Variants in NCAM1 observed in about 807,000 individuals in gnomAD.
NCAM1 encodes neural cell adhesion molecule 1, also known as antigen recognized by monoclonal antibody 5.1H11.
Under a neutral mutation model 109.8 loss-of-function variants are expected in NCAM1, and 14 were observed. That is an observed-to-expected ratio of 0.13 (90% CI 0.08 to 0.20). The LOEUF (loss-of-function observed/expected upper bound fraction) is 0.20. Ranked by LOEUF, NCAM1 falls within the 10% of genes least tolerant of loss-of-function variation. NCAM1 has a pLI of 1.00. For synonymous variants in NCAM1, 418 were observed against 442.9 expected, an observed-to-expected ratio of 0.94 and a Z score of 0.70; for missense variants, 774 against 1,109.9, an observed-to-expected ratio of 0.70 and a Z score of 4.30.
At chr11:113,254,427 TA>T (rs1945783919) in intron 15 of NCAM1, among the ~76,000 whole-genome samples, 1 of 152,254 alleles carries the variant, frequency 6.6e-6, no homozygotes, top group African/African-American at 2.4e-5. Context: ...GCTACTTCTC[TA>T]ACCTAAATGT....
intron 17 of NCAM1, among the ~76,000 whole-genome samples, chr11:113,266,396 C>T (rs1254395810): frequency 2.0e-5 from 3 of 152,190 alleles, no homozygotes; most frequent in South Asian, 2.1e-4. Context: ...ACAGTATGGT[C>T]GCTTTTCCTT....
intron 1 of NCAM1, among the ~76,000 whole-genome samples, chr11:112,986,558 G>A (rs1241178019): frequency 1.3e-5 from 2 of 151,876 alleles, no homozygotes; most frequent in African/African-American, 4.8e-5. Flanking sequence ...TCTTTGATAG[G>A]AGATCTTTAA....
intron 16 of NCAM1, among the ~76,000 whole-genome samples, chr11:113,259,630 T>C (rs1945928227): frequency 6.6e-6 from 1 of 151,684 alleles, no homozygotes; most frequent in Admixed American, 6.6e-5. Context: ...TTTGCCAGCA[T>C]GCAAAGTTGA....
intron 1 of NCAM1, among the ~76,000 whole-genome samples, chr11:112,986,316 A>T (rs1245360745): frequency 6.6e-6 from 1 of 151,840 alleles, no homozygotes; most frequent in African/African-American, 2.4e-5. Context: ...GTTTGCTAGT[A>T]TTTTTTTGAG....
At chr11:113,170,078 T>C (rs979184359) in intron 1 of NCAM1, among the ~76,000 whole-genome samples, 3 of 152,226 alleles carry the variant, frequency 2.0e-5, no homozygotes, top group Non-Finnish European at 4.4e-5. Context: ...TTTATATTTC[T>C]GTGGTGCTTT....
chr11:113,263,791 C>G, intron 17 of NCAM1: 1 of 985,536 alleles, frequency 1.0e-6, no homozygotes, highest in Non-Finnish European at 1.2e-6. Flanking sequence ...TTGGAAGCAT[C>G]CACTGTGAAC....
rs1206307572 is a variant in NCAM1 at position 113,227,090 on chromosome 11, C to T, written c.1090-4555C>T. Among the ~76,000 whole-genome samples the T allele has an allele frequency of 6.6e-5, 10 of 152,224 alleles. No individual in the cohort carries two copies. In the South Asian group the frequency reaches 1.7e-3, roughly 25 times the overall value. On this transcript the variant is annotated intron_variant, in intron 9 of 19. Transcript: ENST00000316851. The stretch of plus-strand genomic sequence containing the variant: ...AGAAATAACTAAGATCAGAGCAGAA[C>T]TGAAGGAGACAGAGACACAAAAAAC...
At position 113,076,620 on chromosome 11, in the gene NCAM1, T is replaced by C. The variant is rs180682460; in HGVS notation, c.52+114956T>C. On this transcript the variant is annotated intron_variant, in intron 1 of 19. Transcript: ENST00000316851. ...AGCATCAAACCATTTCTTCTAATGC[T>C]AGACTGCTTAGACAGTGGTAGAATC... is the stretch of plus-strand genomic sequence containing the variant. Among the ~76,000 whole-genome samples, 19 of 152,316 alleles carry C rather than the reference T, an allele frequency of 1.2e-4. No individual in the cohort carries two copies. The South Asian group carries it at 1.9e-3, about 15-fold the overall frequency.
At chr11:113,226,319 C>A (rs1375826590) in intron 9 of NCAM1, among the ~76,000 whole-genome samples, 1 of 152,072 alleles carries the variant, frequency 6.6e-6, no homozygotes, top group African/African-American at 2.4e-5. Context: ...CAACAAAGAT[C>A]AAAAGAGACA....
intron 17 of NCAM1, 90 bp from the exon 18 acceptor site, chr11:113,270,098 C>G (rs1555124943): frequency 5.5e-6 from 7 of 1,263,304 alleles, no homozygotes; most frequent in East Asian, 4.6e-5. Flanking sequence ...GTCCTCTGGG[C>G]CCTCCCCACC....
At position 113,191,755 on chromosome 11, in the gene NCAM1, A is replaced by ATGTG. The variant is rs535004308; in HGVS notation, c.53-10608_53-10605dup. Among the ~76,000 whole-genome samples the ATGTG allele has an allele frequency of 4.1e-4, 55 of 134,552 alleles. 1 individual carries two copies. Among genetic ancestry groups the ATGTG allele is most frequent in the African/African-American group, 1.3e-3 (52 of 39,310 alleles). The allele number at this position is 134,552 out of a possible 152,430, so 88.3% of individuals were successfully genotyped here. On this transcript the variant is annotated intron_variant, in intron 1 of 19. Transcript: ENST00000316851. ...GATATACACACATGTATGTGTGTAT[A>ATGTG]TGTGTGTGTGTGTGTGTGTATATAT... is the stretch of plus-strand genomic sequence containing the variant.
At chr11:113,239,167 C>T (rs1326719943) in intron 14 of NCAM1, among the ~76,000 whole-genome samples, 2 of 152,164 alleles carry the variant, frequency 1.3e-5, no homozygotes, top group Admixed American at 6.5e-5. Flanking sequence ...GTGTGTAGTT[C>T]ATGAATGTGC....
chr11:113,002,177 T>G (rs1173630041), intron 1 of NCAM1, among the ~76,000 whole-genome samples: 5 of 151,964 alleles, frequency 3.3e-5, no homozygotes, highest in Non-Finnish European at 5.9e-5. Flanking sequence ...GGGCTGAAAA[T>G]GGGGGAGCAG....
At chr11:112,990,477 C>A (rs1247812471) in intron 1 of NCAM1, among the ~76,000 whole-genome samples, 1 of 152,112 alleles carries the variant, frequency 6.6e-6, no homozygotes, top group Admixed American at 6.5e-5. Context: ...GTCTCAGAGC[C>A]ATTTCAGGGT....
At chr11:113,010,946 C>A (rs868951074) in intron 1 of NCAM1, among the ~76,000 whole-genome samples, 2 of 151,870 alleles carry the variant, frequency 1.3e-5, no homozygotes, top group East Asian at 3.9e-4. Context: ...TTTTTGAGGG[C>A]CTTTACTTGG....
chr11:113,086,498 T>C (rs1200928882), intron 1 of NCAM1, among the ~76,000 whole-genome samples: 11 of 152,222 alleles, frequency 7.2e-5, no homozygotes, highest in African/African-American at 2.7e-4. Flanking sequence ...TAAACAGCTA[T>C]ATCTATTTGA....
At chr11:113,017,318 A>G (rs1555075418) in intron 1 of NCAM1, among the ~76,000 whole-genome samples, 1 of 152,232 alleles carries the variant, frequency 6.6e-6, no homozygotes, top group Non-Finnish European at 1.5e-5. Flanking sequence ...TTGTGTTTAG[A>G]CATGAACAAA....
intron 1 of NCAM1, among the ~76,000 whole-genome samples, chr11:113,018,478 C>T (rs11214459): frequency 0.13 from 19,016 of 151,990 alleles, 1,691 homozygotes; most frequent in South Asian, 0.4. Flanking sequence ...TTCATGTGTG[C>T]GTTCCCCATA....
rs781803990 is a variant in NCAM1 at position 113,233,195 on chromosome 11, C to T, written c.1571C>T (p.Thr524Ile). ...SIDQVEPYSS[T>I]AQVQFDEPEA... is the part of the protein sequence containing the mutation. ...GACCAGGTGGAGCCATACTCCAGCA[C>T]AGCCCAGGTGCAGTTTGATGAACCA... Residue 524 changes from threonine to isoleucine, a missense_variant, in exon 13 of 20, where the codon ACA becomes ATA. Thr to Ile is a moderately conservative substitution (Grantham distance 89). Coordinates refer to ENST00000316851, the MANE Select transcript of NCAM1 (RefSeq NM_181351.5). The surrounding 1 kb of genome is among the most constrained non-coding windows in gnomAD (Gnocchi z 4.5). The T allele has an allele frequency of 6.2e-7, 1 of 1,613,866 alleles. No homozygotes were observed. The highest frequency in any genetic ancestry group is 2.2e-5 in the East Asian group (1 of 44,880).
Sources: allele counts gnomAD v4.1 joint callset (sites outside exome capture counted in the v4.1 genomes callset), GRCh38; gene constraint gnomAD v4.1.1; non-coding constraint Gnocchi (gnomAD v3.1); transcripts MANE v1.5; gene names NCBI Gene and HGNC (gene_info 2026-07-23, HGNC 2026-07-21).